Variants in TENM1 observed in about 807,000 individuals in gnomAD.
The protein encoded by TENM1 is teneurin transmembrane protein 1, also known as teneurin-1.
TENM1 carries 35 observed loss-of-function variants against 174.8 expected under a neutral mutation model. That is an observed-to-expected ratio of 0.20 (90% CI 0.15 to 0.27). The LOEUF is 0.27. Ranked by LOEUF, TENM1 falls within the 10% of genes least tolerant of loss-of-function variation. The pLI is 1.00. For missense variants in TENM1, 1,633 were observed against 2,130.1 expected, an observed-to-expected ratio of 0.77 and a Z score of 4.59; for synonymous variants, 781 against 798.7, an observed-to-expected ratio of 0.98 and a Z score of 0.37.
At chrX:124,729,769 T>C (rs2053521388) in intron 4 of TENM1, among the ~76,000 whole-genome samples, 1 of 112,078 alleles carries the variant, frequency 8.9e-6, no homozygotes, top group African/African-American at 3.2e-5. Context: ...CACAGGGCAG[T>C]CTTAAAAAGC....
Position 124,406,733 on chromosome X carries a change from A to G in TENM1, c.4983-244T>C, listed in dbSNP as rs1238892204. Reference sequence around the variant, plus strand: ...GTTTTACAGAAAAAATATATCTGGTAATGAATCACCAGGGTGGAACACTGA... The same window carrying G: ...GTTTTACAGAAAAAATATATCTGGTGATGAATCACCAGGGTGGAACACTGA... On this transcript the variant is annotated intron_variant, in intron 25 of 31. Coordinates refer to ENST00000422452, the Ensembl canonical transcript of TENM1. Among the ~76,000 whole-genome samples, 4 of 111,696 alleles carry G rather than the reference A, an allele frequency of 3.6e-5. No homozygotes were observed. The East Asian group carries it at 8.4e-4, about 24-fold the overall frequency.
At chrX:124,532,852 T>C (rs2048136253) in intron 15 of TENM1, among the ~76,000 whole-genome samples, 1 of 112,208 alleles carries the variant, frequency 8.9e-6, no homozygotes, top group Non-Finnish European at 1.9e-5. Context: ...ATACACTCCA[T>C]GTCATCCATT....
chrX:125,121,037 TAATA>T, the TENM1 span, among the ~76,000 whole-genome samples: 2 of 111,826 alleles, frequency 1.8e-5, no homozygotes, highest in East Asian at 5.6e-4. Context: ...GCACATTTCT[TAATA>T]GATATTCTTT....
At chrX:124,688,538 C>T (rs1215587708) in intron 5 of TENM1, 5 of 128,442 alleles carry the variant, frequency 3.9e-5, no homozygotes, top group Non-Finnish European at 1.6e-5. Flanking sequence ...TGGGGAAGAA[C>T]CCACAGGTCT....
intron 1 of TENM1, among the ~76,000 whole-genome samples, chrX:124,935,462 T>C (rs754454983): frequency 8.9e-6 from 1 of 111,982 alleles, no homozygotes; most frequent in East Asian, 2.8e-4. Context: ...CTTATTTGAG[T>C]TAGATGTTCC....
At chrX:124,399,943 C>T (rs2060381484) in intron 27 of TENM1, among the ~76,000 whole-genome samples, 1 of 111,237 alleles carries the variant, frequency 9.0e-6, no homozygotes, top group Admixed American at 9.5e-5. Context: ...CTGCATTCCA[C>T]TCTGGGAGAC....
At chrX:124,577,968 C>T (rs2858414) in intron 11 of TENM1, among the ~76,000 whole-genome samples, 24,913 of 106,383 alleles carry the variant, frequency 0.23, 2,406 homozygotes, top group South Asian at 0.39. Context: ...CTCCGTTGCC[C>T]AGGCTGGAGT....
chrX:124,587,248 T>A (rs1465951146), intron 11 of TENM1, among the ~76,000 whole-genome samples: 19 of 110,097 alleles, frequency 1.7e-4, no homozygotes, highest in Admixed American at 1.9e-4. Context: ...CTAAGCCAAA[T>A]GAACAAAGCT....
chrX:124,671,707 C>T (rs754416285), exon 6 of TENM1: 11 of 1,206,564 alleles, frequency 9.1e-6, no homozygotes, highest in Non-Finnish European at 6.7e-6. Context: ...TTATCAGAAA[C>T]TTTTCCTCCA....
rs2055023588 is a variant in TENM1, at chrX:124,785,883, G to T, written c.536-48686C>A. On this transcript the variant is annotated intron_variant, in intron 3 of 31. Coordinates refer to ENST00000422452, the Ensembl canonical transcript of TENM1. ...CAAATATTGTACTTTGCTCAATAGT[G>T]TTTACTCTAATTTTGAATAATCCAT... is the stretch of plus-strand genomic sequence containing the variant. Among the ~76,000 whole-genome samples, 3 of 111,744 alleles carry T rather than the reference G, an allele frequency of 2.7e-5. No individual in the cohort carries two copies. The Admixed American group carries it at 2.8e-4, about 11-fold the overall frequency.
the TENM1 span, among the ~76,000 whole-genome samples, chrX:125,029,860 G>A: frequency 6.3e-5 from 7 of 111,702 alleles, no homozygotes; most frequent in South Asian, 2.3e-3. Context: ...GTAGGGCACT[G>A]ATCACAATTT....
At chrX:124,503,779 G>T (rs1364027036) in intron 18 of TENM1, 76 bp from the exon 22 acceptor site, 4 of 981,535 alleles carry the variant, frequency 4.1e-6, no homozygotes, top group African/African-American at 3.9e-5. Flanking sequence ...TGATAATTCT[G>T]TGGATATCAC....
At chrX:124,472,770 G>A (rs1030066794) in intron 22 of TENM1, among the ~76,000 whole-genome samples, 1 of 110,960 alleles carries the variant, frequency 9.0e-6, no homozygotes, top group African/African-American at 3.3e-5. Context: ...TCAACACACT[G>A]TAGACTTCAG....
chrX:124,817,387 C>A (rs1414487880), intron 3 of TENM1, among the ~76,000 whole-genome samples: 1 of 111,769 alleles, frequency 8.9e-6, no homozygotes, highest in Non-Finnish European at 1.9e-5. Context: ...TAAAATTTGC[C>A]ATTTTCAAAC....
At chrX:124,523,707 C>T (rs957921048) in intron 16 of TENM1, 82 bp from the exon 20 acceptor site, 71 of 1,013,140 alleles carry the variant, frequency 7.0e-5, no homozygotes, top group Admixed American at 3.3e-4. Flanking sequence ...ATTTCAGTGC[C>T]CTTTCCTTTT....
chrX:124,756,194 A>AT lies in TENM1; in HGVS notation c.536-18998dup, dbSNP rs1366511628. 4.0e-3 allele frequency among the ~76,000 whole-genome samples: 369 copies of AT among 91,933 alleles called. 23 individuals carry two copies. Among genetic ancestry groups the AT allele is most frequent in the African/African-American group, 0.015 (298 of 19,534 alleles). 79.8% of individuals were successfully genotyped at this position (91,933 alleles called of 115,157 possible). A position where few individuals can be genotyped will look rare whatever the true frequency, so the allele number is the denominator to read the frequency against. ...TTGGAGGCTTTGTTCGTTTCTTTTTATTTTTTTTTTCTCTAAACTTCCCTT... is the reference window on the plus strand; with the variant it reads ...TTGGAGGCTTTGTTCGTTTCTTTTTATTTTTTTTTTTCTCTAAACTTCCCTT... On this transcript the variant is annotated intron_variant, in intron 3 of 31. Transcript: ENST00000422452.
At chrX:124,689,089 C>T (rs956914773) in intron 5 of TENM1, among the ~76,000 whole-genome samples, 2 of 111,244 alleles carry the variant, frequency 1.8e-5, no homozygotes, top group Admixed American at 9.6e-5. Flanking sequence ...ACTGAAATAC[C>T]CTTTTGCCTA....
intron 11 of TENM1, among the ~76,000 whole-genome samples, chrX:124,577,008 T>C (rs755226018): frequency 2.7e-5 from 3 of 112,237 alleles, no homozygotes; most frequent in Non-Finnish European, 3.8e-5. Context: ...CATACTTCAG[T>C]GGCAAAGCCA....
At chrX:124,992,260 C>T in the TENM1 span, among the ~76,000 whole-genome samples, 1 of 111,463 alleles carries the variant, frequency 9.0e-6, no homozygotes, top group African/African-American at 3.3e-5. Flanking sequence ...AATGCTCTGC[C>T]TAGCCCTCTT....
Sources: allele counts gnomAD v4.1 joint callset (sites outside exome capture counted in the v4.1 genomes callset), GRCh38; gene constraint gnomAD v4.1.1; transcripts MANE v1.5; gene names NCBI Gene and HGNC (gene_info 2026-07-23, HGNC 2026-07-21).